ADGRA3: variants seen among roughly 807,000 people sequenced by gnomAD.
ADGRA3 encodes G-protein coupled receptor 125.
A neutral mutation model predicts 119.8 loss-of-function variants in ADGRA3; 56 were observed. The ratio of observed to expected loss-of-function variants is 0.47; its 90% CI spans 0.38 to 0.58. The LOEUF is 0.58. ADGRA3 is among the 20% of genes least tolerant of loss of function. ADGRA3 has a pLI of 0.00. For synonymous variants in ADGRA3, 607 were observed against 623.8 expected (o/e 0.97, Z 0.40); for missense variants, 1,516 against 1,649.0 (o/e 0.92, Z 1.40).
intron 2 of ADGRA3, among the ~76,000 whole-genome samples, chr4:22,468,645 T>C (rs747589591): frequency 1.1e-4 from 16 of 151,998 alleles, no homozygotes; most frequent in Admixed American, 2.0e-4. Context: ...GGCACACACC[T>C]GTAATCCCAG....
chr4:22,507,976 A>C (rs1719304434), intron 1 of ADGRA3, among the ~76,000 whole-genome samples: 1 of 152,192 alleles, frequency 6.6e-6, no homozygotes, highest in Non-Finnish European at 1.5e-5. Context: ...TAAACATACG[A>C]ATTTGCATCC....
chr4:22,509,947 T>A (rs191354794), intron 1 of ADGRA3, among the ~76,000 whole-genome samples: 2,753 of 148,564 alleles, frequency 0.019, 82 homozygotes, highest in African/African-American at 0.063. Context: ...GAGGCGGAGC[T>A]TGCAGTGAGC....
rs188405945 is a variant in ADGRA3, at chr4:22,456,164, A to G, written c.402-1227T>C. 3.3e-3 allele frequency among the ~76,000 whole-genome samples: 499 copies of G among 152,330 alleles called. 3 individuals are homozygous for G. The highest frequency in any genetic ancestry group is 0.011 in the African/African-American group (477 of 41,590). Reference sequence around the variant, plus strand: ...GAAATTCTAAGAACATAATGTTTGAATCAGGTACCTAACTCGTTTGTTTTT... The same window carrying G: ...GAAATTCTAAGAACATAATGTTTGAGTCAGGTACCTAACTCGTTTGTTTTT... On this transcript the variant is annotated intron_variant, in intron 3 of 18. Coordinates refer to ENST00000334304, the MANE Select transcript of ADGRA3 (RefSeq NM_145290.4).
intron 1 of ADGRA3, among the ~76,000 whole-genome samples, chr4:22,499,986 G>A (rs565649257): frequency 2.0e-4 from 30 of 152,180 alleles, no homozygotes; most frequent in Non-Finnish European, 3.7e-4. Context: ...TGAGCATCCC[G>A]AACCCAAAAA....
intron 3 of ADGRA3, among the ~76,000 whole-genome samples, chr4:22,459,000 A>T (rs991406316): frequency 6.6e-6 from 1 of 152,126 alleles, no homozygotes; most frequent in Non-Finnish European, 1.5e-5. Flanking sequence ...AATTGTAACT[A>T]ATTTTAAAAG....
intron 4 of ADGRA3, among the ~76,000 whole-genome samples, chr4:22,448,142 T>C (rs1202578233): frequency 6.6e-6 from 1 of 152,160 alleles, no homozygotes; most frequent in Non-Finnish European, 1.5e-5. Flanking sequence ...TATTCTACAA[T>C]GTGAGTGGTT....
chr4:22,392,950 A>C (rs1714197308), intron 16 of ADGRA3: 1 of 349,138 alleles, frequency 2.9e-6, no homozygotes, highest in African/African-American at 2.1e-5. Context: ...CCCTTAATAC[A>C]GGACAGAACT....
rs528691054 is a variant in ADGRA3 at position 22,459,485 on chromosome 4, A to G, written c.401+2252T>C. ...GAACTAAAAAGTTAAAAAAAAAAAT[A>G]AAGAAATAGGTTTTAAACGACTAAA... is the stretch of plus-strand genomic sequence containing the variant. On this transcript the variant is annotated intron_variant, in intron 3 of 18. Coordinates refer to ENST00000334304, the MANE Select transcript of ADGRA3 (RefSeq NM_145290.4). Among the ~76,000 whole-genome samples, 3 of 152,230 alleles carry G rather than the reference A, an allele frequency of 2.0e-5. No homozygotes were observed. In the East Asian group the frequency reaches 5.8e-4, roughly 29 times the overall value.
At chr4:22,473,895 A>C in intron 1 of ADGRA3, 52 bp from the exon 2 acceptor site, 1 of 1,061,968 alleles carries the variant, frequency 9.4e-7, no homozygotes, top group Non-Finnish European at 1.4e-6. Context: ...TACCAATATC[A>C]AAGTAATTTA....
intron 10 of ADGRA3, among the ~76,000 whole-genome samples, chr4:22,432,579 G>A (rs764687151): frequency 3.3e-5 from 5 of 152,134 alleles, no homozygotes; most frequent in Non-Finnish European, 7.3e-5. Flanking sequence ...GAGACAATAA[G>A]GGTGCCAGAA....
At chr4:22,406,283 T>G (rs973576071) in intron 14 of ADGRA3, among the ~76,000 whole-genome samples, 4 of 152,220 alleles carry the variant, frequency 2.6e-5, no homozygotes, top group Non-Finnish European at 4.4e-5. Context: ...CTGCAGTAAA[T>G]GTGAGCGCAG....
intron 4 of ADGRA3, among the ~76,000 whole-genome samples, chr4:22,451,130 T>C (rs1717027090): frequency 1.3e-5 from 2 of 151,700 alleles, no homozygotes; most frequent in Admixed American, 1.3e-4. Context: ...GTTGTATGTA[T>C]GTATTTATAT....
At position 22,497,212 on chromosome 4, in the gene ADGRA3, T is replaced by TG. The variant is rs554841990; in HGVS notation, c.257+18315dup. Among the ~76,000 whole-genome samples, 324 of 152,042 alleles carry TG rather than the reference T, an allele frequency of 2.1e-3. 2 individuals carry two copies. Among genetic ancestry groups the TG allele is most frequent in the Admixed American group, 0.02 (313 of 15,272 alleles). ...GTAATACAGGCAAAGCCATAGAAGG[T>TG]GGGGGGAAATGCAGGCAAGAAAAAT... On this transcript the variant is annotated intron_variant, in intron 1 of 18. Coordinates refer to ENST00000334304, the MANE Select transcript of ADGRA3 (RefSeq NM_145290.4).
At chr4:22,450,527 A>C (rs1277017290) in intron 4 of ADGRA3, among the ~76,000 whole-genome samples, 1 of 152,136 alleles carries the variant, frequency 6.6e-6, no homozygotes, top group Non-Finnish European at 1.5e-5. Context: ...CAGCCTCCAA[A>C]GTGCTGGGAT....
chr4:22,439,689 CA>C (rs1406602159), intron 7 of ADGRA3, among the ~76,000 whole-genome samples: 9 of 152,138 alleles, frequency 5.9e-5, no homozygotes, highest in Admixed American at 3.3e-4. Flanking sequence ...AATAGAGTGA[CA>C]CAAAAAAGAG....
At chr4:22,408,293 G>A (rs1577329143) in intron 14 of ADGRA3, among the ~76,000 whole-genome samples, 1 of 151,564 alleles carries the variant, frequency 6.6e-6, no homozygotes, top group East Asian at 1.9e-4. Flanking sequence ...CAACAACCAA[G>A]AAATTGTACT....
intron 11 of ADGRA3, among the ~76,000 whole-genome samples, chr4:22,421,349 G>C (rs1715672970): frequency 6.6e-6 from 1 of 151,710 alleles, no homozygotes; most frequent in South Asian, 2.1e-4. Flanking sequence ...CAGAAGATCA[G>C]GTCTAAGAAG....
At chr4:22,497,183 T>C (rs1005830173) in intron 1 of ADGRA3, among the ~76,000 whole-genome samples, 7 of 152,074 alleles carry the variant, frequency 4.6e-5, no homozygotes, top group African/African-American at 1.7e-4. Context: ...GTAATAAATA[T>C]GTGGTAATAC....
intron 1 of ADGRA3, among the ~76,000 whole-genome samples, chr4:22,489,232 C>G (rs760324749): frequency 6.6e-6 from 1 of 152,158 alleles, no homozygotes; most frequent in Admixed American, 6.5e-5. Flanking sequence ...GACTTATTCA[C>G]TACCATGAGA....
Sources: gnomAD v4.1 joint callset for allele counts (sites outside exome capture counted in the v4.1 genomes callset) on GRCh38, gnomAD v4.1.1 for gene constraint, MANE v1.5 for transcripts, NCBI Gene and HGNC (gene_info 2026-07-23, HGNC 2026-07-21) for gene names.